The following CDK8 variants were observed in gnomAD, a reference collection of about 807,000 sequenced individuals.
CDK8 encodes the protein cyclin-dependent kinase 8.
In CDK8, 29 loss-of-function variants were observed where a neutral mutation model predicts 71.5. The ratio of observed to expected loss-of-function variants is 0.41; its 90% CI spans 0.30 to 0.55. The LOEUF (loss-of-function observed/expected upper bound fraction) is 0.55, where lower values mean the gene tolerates loss of function less well. Ranked by LOEUF, CDK8 falls within the 20% of genes least tolerant of loss-of-function variation. The pLI is 0.37. For synonymous variants in CDK8, 161 were observed against 192.1 expected, an observed-to-expected ratio of 0.84 and a Z score of 1.34; for missense variants, 288 against 572.6, an observed-to-expected ratio of 0.50 and a Z score of 5.07.
chr13:26,336,767 G>A (rs532973664), intron 1 of CDK8, among the ~76,000 whole-genome samples: 1 of 152,010 alleles, frequency 6.6e-6, no homozygotes, highest in Non-Finnish European at 1.5e-5. Context: ...TGTTAGCCAG[G>A]ATGGTCTCGA....
At chr13:26,291,628 T>C (rs1175986816) in intron 1 of CDK8, among the ~76,000 whole-genome samples, 4 of 152,332 alleles carry the variant, frequency 2.6e-5, no homozygotes, top group Admixed American at 2.0e-4. Context: ...CTTTCAGATC[T>C]TGGATATTTT....
At chr13:26,256,036 T>C (rs956067260) in intron 1 of CDK8, among the ~76,000 whole-genome samples, 2 of 152,244 alleles carry the variant, frequency 1.3e-5, no homozygotes, top group Non-Finnish European at 2.9e-5. Context: ...CAATGGACTC[T>C]ACGAGGAAGA....
intron 1 of CDK8, among the ~76,000 whole-genome samples, chr13:26,264,380 G>T (rs187751884): frequency 2.8e-3 from 432 of 151,936 alleles, no homozygotes; most frequent in African/African-American, 0.01. Flanking sequence ...TGAATTCCTG[G>T]GCTCAACTGA....
At chr13:26,288,879 C>T (rs1213707657) in intron 1 of CDK8, among the ~76,000 whole-genome samples, 1 of 151,932 alleles carries the variant, frequency 6.6e-6, no homozygotes, top group East Asian at 1.9e-4. Context: ...CCTGCCTCAG[C>T]CTCCTGGGAC....
At chr13:26,350,249 G>A (rs1289065135) in intron 3 of CDK8, among the ~76,000 whole-genome samples, 1 of 152,106 alleles carries the variant, frequency 6.6e-6, no homozygotes, top group East Asian at 1.9e-4. Flanking sequence ...AATTTTTTGT[G>A]GATGAGAGCT....
At position 26,300,266 on chromosome 13, in the gene CDK8, TA is replaced by T. The variant is rs371771452; in HGVS notation, c.129-37300del. On this transcript the variant is annotated intron_variant, in intron 1 of 12. Coordinates refer to ENST00000381527, the MANE Select transcript of CDK8 (RefSeq NM_001260.3). Reference sequence around the variant, plus strand: ...ATGAACTTCATATAAACTATTAATATATTTTTTTAATCTGATAACCAAGACA... The same window carrying T: ...ATGAACTTCATATAAACTATTAATATTTTTTTTAATCTGATAACCAAGACA... Among the ~76,000 whole-genome samples, 36 of 152,274 alleles carry T rather than the reference TA, an allele frequency of 2.4e-4. No individual in the cohort carries two copies. In the East Asian group the frequency reaches 4.8e-3, roughly 20 times the overall value.
chr13:26,351,400 C>A (rs1873674893), intron 3 of CDK8, among the ~76,000 whole-genome samples: 1 of 151,850 alleles, frequency 6.6e-6, no homozygotes, highest in African/African-American at 2.4e-5. Context: ...GAAATCTAAT[C>A]AGATCAACCC....
intron 1 of CDK8, among the ~76,000 whole-genome samples, chr13:26,292,087 T>A (rs1565960082): frequency 1.3e-5 from 2 of 152,186 alleles, no homozygotes; most frequent in Non-Finnish European, 2.9e-5. Context: ...CAAAGAAAAT[T>A]GGGGTATTTC....
chr13:26,265,802 G>A (rs1377209598), intron 1 of CDK8, among the ~76,000 whole-genome samples: 1 of 152,178 alleles, frequency 6.6e-6, no homozygotes, highest in African/African-American at 2.4e-5. Flanking sequence ...TGTAAATCAA[G>A]TCATGGATTT....
chr13:26,398,586 A>T (rs541921611), intron 9 of CDK8, among the ~76,000 whole-genome samples: 23 of 152,332 alleles, frequency 1.5e-4, no homozygotes, highest in African/African-American at 5.5e-4. Flanking sequence ...CTTTCCTTTC[A>T]ACCCTAAAAA....
intron 9 of CDK8, among the ~76,000 whole-genome samples, chr13:26,397,889 A>G (rs181579830): frequency 2.6e-5 from 4 of 152,268 alleles, no homozygotes; most frequent in Admixed American, 2.6e-4. Context: ...TTGTTTTAGA[A>G]AAAGGTTTAT....
chr13:26,316,300 C>T (rs568231382), intron 1 of CDK8, among the ~76,000 whole-genome samples: 89 of 152,248 alleles, frequency 5.8e-4, no homozygotes, highest in African/African-American at 2.1e-3. Context: ...GTCAAGGCTG[C>T]AGTGAGCCAT....
chr13:26,329,483 G>GTTTTTTTTTTTTTT (rs543441898), intron 1 of CDK8, among the ~76,000 whole-genome samples: 6 of 128,486 alleles, frequency 4.7e-5, no homozygotes, highest in East Asian at 2.2e-4. Context: ...TTTTTTTTTT[G>GTTTTTTTTTTTTTT]TTTTTTTTTT....
rs766822155 is a variant in CDK8, at chr13:26,401,471, C to CCAG, written c.1129_1131dup (p.Gln377dup). On this transcript the variant is annotated inframe_insertion, in exon 12 of 13. Transcript: ENST00000381527. This position sits in a 1 kb window ranked among gnomAD's most constrained non-coding sequence, Gnocchi z 4.5. ...TTTCTGTTTAACCAATTGAGAAGAA[C>CCAG]CAGCAGCAGCAGCAGGGCAATAACC... 1 of 1,608,158 alleles carries CCAG rather than the reference C, an allele frequency of 6.2e-7. No individual in the cohort carries two copies. Among genetic ancestry groups the CCAG allele is most frequent in the Non-Finnish European group, 8.5e-7 (1 of 1,175,674 alleles).
In CDK8 at chr13:26,349,323, G is replaced by A. The variant is rs1441440756; in HGVS notation, c.315+141G>A. On this transcript the variant is annotated intron_variant, in intron 3 of 12. Coordinates refer to ENST00000381527, the MANE Select transcript of CDK8 (RefSeq NM_001260.3). ...CATAGAGTGTGGTTGGTGGCATGACGAAGGCTAGAGTATTTGACTTTGTAT... is the reference window on the plus strand; with the variant it reads ...CATAGAGTGTGGTTGGTGGCATGACAAAGGCTAGAGTATTTGACTTTGTAT... 6 of 600,484 alleles carry A rather than the reference G, an allele frequency of 1.0e-5. No individual in the cohort carries two copies. The East Asian group carries it at 1.1e-4, about 11-fold the overall frequency. The allele number at this position is 600,484 out of a possible 1,614,324, so 37.2% of individuals were successfully genotyped here.
intron 1 of CDK8, among the ~76,000 whole-genome samples, chr13:26,278,763 AG>A (rs1566468870): frequency 6.6e-6 from 1 of 152,218 alleles, no homozygotes; most frequent in Non-Finnish European, 1.5e-5. Context: ...CAGAATATAC[AG>A]TTGACCCTGT....
At chr13:26,374,043 A>AT (rs1555233585) in intron 4 of CDK8, among the ~76,000 whole-genome samples, 38,456 of 111,784 alleles carry the variant, frequency 0.34, 8,773 homozygotes, top group East Asian at 0.49. Context: ...AAAAACAAAA[A>AT]ACAAAAAATT....
intron 4 of CDK8, among the ~76,000 whole-genome samples, chr13:26,361,742 C>A (rs1874143837): frequency 7.4e-6 from 1 of 134,424 alleles, no homozygotes; most frequent in Non-Finnish European, 1.6e-5. Flanking sequence ...GGACTGCTTT[C>A]ATTTTTTAAG....
chr13:26,258,578 G>A (rs1004846536), intron 1 of CDK8, among the ~76,000 whole-genome samples: 2 of 152,024 alleles, frequency 1.3e-5, no homozygotes, highest in Non-Finnish European at 2.9e-5. Flanking sequence ...CTCTAGATGA[G>A]CGATCCTGGA....
Sources: gnomAD v4.1 joint callset for allele counts (sites outside exome capture counted in the v4.1 genomes callset) on GRCh38, gnomAD v4.1.1 for gene constraint, Gnocchi (gnomAD v3.1) non-coding constraint, MANE v1.5 for transcripts, NCBI Gene and HGNC (gene_info 2026-07-23, HGNC 2026-07-21) for gene names.